DPP6: variants seen among roughly 807,000 people sequenced by gnomAD.
DPP6 encodes A-type potassium channel modulatory protein DPP6.
A neutral mutation model predicts 122.6 loss-of-function variants in DPP6; 69 were observed. The observed-to-expected ratio is 0.56, with a 90% CI of 0.46 to 0.69. The LOEUF is 0.69. Ranked by LOEUF, DPP6 falls within the 30% of genes least tolerant of loss-of-function variation. The pLI is 0.00. For synonymous variants in DPP6, 418 were observed against 433.1 expected, an observed-to-expected ratio of 0.97 and a Z score of 0.43; for missense variants, 928 against 1,116.9, an observed-to-expected ratio of 0.83 and a Z score of 2.41.
At chr7:154,476,501 G>A (rs1822750771) in intron 3 of DPP6, among the ~76,000 whole-genome samples, 1 of 152,212 alleles carries the variant, frequency 6.6e-6, no homozygotes, top group South Asian at 2.1e-4. Context: ...TCCTTGAGGA[G>A]CTCAAAGTTG....
At position 154,008,829 on chromosome 7, in the gene DPP6, T is replaced by C. The variant is rs1585168950; in HGVS notation, c.51+121095T>C. ...GGCGCCCGCCACTACGCCCGGCTAA[T>C]TTTTTTTTTGTATTTTTAGTAGAGA... On this transcript the variant is annotated intron_variant, in intron 1 of 25. Transcript: ENST00000404039. 2.8e-5 allele frequency among the ~76,000 whole-genome samples: 4 copies of C among 145,194 alleles called. No homozygotes were observed. In the South Asian group the frequency reaches 6.5e-4, roughly 23 times the overall value.
chr7:154,786,025 C>T (rs890752596), intron 10 of DPP6, among the ~76,000 whole-genome samples: 1 of 152,064 alleles, frequency 6.6e-6, no homozygotes, highest in Non-Finnish European at 1.5e-5. Context: ...TTTTTCCAAC[C>T]TCTACACTAA....
chr7:154,575,548 GGT>G (rs1450762185), intron 5 of DPP6, among the ~76,000 whole-genome samples: 6 of 128,504 alleles, frequency 4.7e-5, no homozygotes, highest in African/African-American at 1.8e-4. Context: ...TGGTGTGTGT[GGT>G]GTGTTTATTT....
At chr7:154,049,366 GAATT>G (rs1241355624), upstream of DPP6, among the ~76,000 whole-genome samples, 4 of 135,496 alleles carry the variant, frequency 3.0e-5, no homozygotes, top group Non-Finnish European at 6.4e-5. Flanking sequence ...GACAAGAATT[GAATT>G]AATTATACAT....
At chr7:154,587,398 A>G (rs79028785) in intron 5 of DPP6, 6,775 of 566,694 alleles carry the variant, frequency 0.012, 52 homozygotes, top group Non-Finnish European at 0.015. Flanking sequence ...TCCTCTTGCC[A>G]GGACCAATGC....
At chr7:154,737,469 A>G (rs532182342) in intron 8 of DPP6, among the ~76,000 whole-genome samples, 1 of 152,304 alleles carries the variant, frequency 6.6e-6, no homozygotes, top group East Asian at 1.9e-4. Flanking sequence ...TTTATTTGTA[A>G]TATTTTTTAT....
intron 3 of DPP6, among the ~76,000 whole-genome samples, chr7:154,518,580 G>C (rs12703363): frequency 0.077 from 11,657 of 152,194 alleles, 475 homozygotes; most frequent in South Asian, 0.11. Context: ...CTTATTGGAA[G>C]TATGTGAAAT....
chr7:154,779,676 C>T (rs80041565), intron 10 of DPP6, among the ~76,000 whole-genome samples: 2,393 of 152,272 alleles, frequency 0.016, 60 homozygotes, highest in African/African-American at 0.054. Context: ...CTCTGTTCTT[C>T]CTGCTTTCCT....
At chr7:154,316,710 A>G (rs1425925184) in intron 1 of DPP6, among the ~76,000 whole-genome samples, 1 of 152,144 alleles carries the variant, frequency 6.6e-6, no homozygotes, top group Non-Finnish European at 1.5e-5. Flanking sequence ...GAACTTTTTA[A>G]TGAGTCATTG....
chr7:153,805,783 A>G, the DPP6 span, among the ~76,000 whole-genome samples: 1 of 152,196 alleles, frequency 6.6e-6, no homozygotes, highest in South Asian at 2.1e-4. Flanking sequence ...GTTCTCACTC[A>G]TATGTGGGAA....
At chr7:153,843,757 C>G in the DPP6 span, among the ~76,000 whole-genome samples, 5 of 152,234 alleles carry the variant, frequency 3.3e-5, no homozygotes, top group South Asian at 1.0e-3. Flanking sequence ...AGCCTTAAAA[C>G]AGAAACACAG....
intron 1 of DPP6, among the ~76,000 whole-genome samples, chr7:154,316,189 G>C (rs1023842708): frequency 2.0e-5 from 3 of 152,080 alleles, no homozygotes; most frequent in Admixed American, 6.5e-5. Context: ...TTTCCCTATT[G>C]TTTAAAGTGT....
At chr7:154,167,850 C>G (rs997911101) in intron 1 of DPP6, among the ~76,000 whole-genome samples, 6 of 152,198 alleles carry the variant, frequency 3.9e-5, no homozygotes, top group African/African-American at 1.4e-4. Context: ...TTAATCCCTA[C>G]AAAATGTCAG....
chr7:154,041,705 C>T (rs1403734354), intron 1 of DPP6, among the ~76,000 whole-genome samples: 1 of 152,008 alleles, frequency 6.6e-6, no homozygotes, highest in Non-Finnish European at 1.5e-5. Flanking sequence ...TATCAGGGCT[C>T]AAGGTGTGCA....
At chr7:154,504,978 A>T (rs1825560514) in intron 3 of DPP6, among the ~76,000 whole-genome samples, 1 of 152,196 alleles carries the variant, frequency 6.6e-6, no homozygotes, top group Non-Finnish European at 1.5e-5. Context: ...ATGTTTAGTG[A>T]ATTAAGCTGA....
chr7:154,361,584 C>G (rs1035891556), intron 1 of DPP6, among the ~76,000 whole-genome samples: 4 of 95,800 alleles, frequency 4.2e-5, no homozygotes, highest in African/African-American at 1.7e-4. Flanking sequence ...GCAAAGAAAT[C>G]TTGAGAATAA....
chr7:153,886,724 G>A (rs1301403422), upstream of DPP6, among the ~76,000 whole-genome samples: 3 of 152,188 alleles, frequency 2.0e-5, no homozygotes, highest in African/African-American at 7.2e-5. Context: ...GACGCGACGT[G>A]TGTCCCATAG....
chr7:154,750,234 C>G (rs1021653505), intron 8 of DPP6, among the ~76,000 whole-genome samples: 2 of 152,208 alleles, frequency 1.3e-5, no homozygotes, highest in Non-Finnish European at 2.9e-5. Flanking sequence ...CAGAACCTAT[C>G]CGTAGATGAA....
At chr7:154,416,477 T>A (rs1817026767) in intron 1 of DPP6, among the ~76,000 whole-genome samples, 1 of 152,220 alleles carries the variant, frequency 6.6e-6, no homozygotes, top group South Asian at 2.1e-4. Flanking sequence ...CACAGTCACA[T>A]AACTTGCATT....
Sources: gnomAD v4.1 joint callset for allele counts (sites outside exome capture counted in the v4.1 genomes callset) on GRCh38, gnomAD v4.1.1 for gene constraint, MANE v1.5 for transcripts, NCBI Gene and HGNC (gene_info 2026-07-23, HGNC 2026-07-21) for gene names.